The following TTC6 variants were observed in gnomAD, a reference collection of about 807,000 sequenced individuals.
TTC6 encodes the protein tetratricopeptide repeat domain 6.
In TTC6, 172 loss-of-function variants were observed where a neutral mutation model predicts 210.4. The observed-to-expected ratio is 0.82, with a 90% CI of 0.72 to 0.93. The LOEUF is 0.93. Among genes scored for constraint, TTC6 ranks in the 40% least tolerant of loss-of-function variants. The pLI, the probability that TTC6 is intolerant of heterozygous loss-of-function variation, is 0.00. For missense variants in TTC6, 2,414 were observed against 2,318.1 expected, an observed-to-expected ratio of 1.04 and a Z score of -0.85; for synonymous variants, 804 against 819.6, an observed-to-expected ratio of 0.98 and a Z score of 0.32.
chr14:37,783,857 C>T (rs1246556168), intron 14 of TTC6, among the ~76,000 whole-genome samples: 4 of 152,144 alleles, frequency 2.6e-5, no homozygotes, highest in African/African-American at 9.7e-5. Flanking sequence ...TTTCAAAGAA[C>T]ATCTTTATTT....
At chr14:37,792,824 G>T (rs1355008526) in intron 17 of TTC6, among the ~76,000 whole-genome samples, 1 of 149,606 alleles carries the variant, frequency 6.7e-6, no homozygotes, top group Non-Finnish European at 1.5e-5. Flanking sequence ...GTGTGTACAG[G>T]TGAGTAAGTA....
intron 1 of TTC6, among the ~76,000 whole-genome samples, chr14:37,651,426 T>TATATATATA (rs1491101068): frequency 2.0e-4 from 3 of 15,130 alleles, no homozygotes; most frequent in Non-Finnish European, 3.3e-4. Context: ...TATATATATA[T>TATATATATA]TTTTTTTTTT....
intron 14 of TTC6, among the ~76,000 whole-genome samples, chr14:37,786,332 C>T (rs973440135): frequency 6.6e-6 from 1 of 152,214 alleles, no homozygotes; most frequent in Non-Finnish European, 1.5e-5. Context: ...ATGGCAGCCG[C>T]CCCTCACCCA....
chr14:37,807,609 C>A, intron 23 of TTC6, 149 bp downstream of exon 25: 1 of 522,312 alleles, frequency 1.9e-6, no homozygotes, highest in Non-Finnish European at 3.0e-6. Context: ...TACACTTTCC[C>A]AATTCATATT....
At chr14:37,633,940 G>A (rs2095675055) in intron 1 of TTC6, among the ~76,000 whole-genome samples, 1 of 152,182 alleles carries the variant, frequency 6.6e-6, no homozygotes. Context: ...GGTAGTAACA[G>A]GGGAAGTGCC....
intron 1 of TTC6, among the ~76,000 whole-genome samples, chr14:37,659,601 C>T (rs1162434022): frequency 1.3e-5 from 2 of 152,026 alleles, no homozygotes; most frequent in Non-Finnish European, 2.9e-5. Context: ...AATCTTGGCT[C>T]ACTGCAACCT....
chr14:37,778,984 C>T (rs575123349), intron 14 of TTC6, among the ~76,000 whole-genome samples: 3 of 152,170 alleles, frequency 2.0e-5, no homozygotes, highest in East Asian at 1.9e-4. Context: ...CTTTCCTGCT[C>T]CAAACCCTCT....
intron 1 of TTC6, among the ~76,000 whole-genome samples, chr14:37,632,106 C>G (rs542384661): frequency 2.0e-5 from 3 of 152,096 alleles, no homozygotes; most frequent in Non-Finnish European, 4.4e-5. Context: ...CTTTCTGAAG[C>G]CTACTTCTGC....
intron 21 of TTC6, 89 bp downstream of exon 23, chr14:37,804,903 A>G: frequency 6.8e-7 from 1 of 1,471,552 alleles, no homozygotes. Context: ...CCACCTATAC[A>G]GTGGGCAACC....
intron 1 of TTC6, among the ~76,000 whole-genome samples, chr14:37,669,326 C>T (rs986339045): frequency 6.6e-6 from 1 of 152,146 alleles, no homozygotes; most frequent in Non-Finnish European, 1.5e-5. Context: ...TCCATCCTAA[C>T]CCTGTTTGAG....
chr14:37,796,648 A>G, intron 19 of TTC6, 139 bp from the exon 22 acceptor site: 2 of 809,798 alleles, frequency 2.5e-6, no homozygotes, highest in South Asian at 2.3e-5. Context: ...AGATCTTACT[A>G]TGATTTGTTA....
At chr14:37,744,345 G>A (rs2095929703) in intron 10 of TTC6, among the ~76,000 whole-genome samples, 1 of 152,168 alleles carries the variant, frequency 6.6e-6, no homozygotes, top group Non-Finnish European at 1.5e-5. Context: ...AGTGACAAAT[G>A]TAATGAAGAA....
intron 5 of TTC6, among the ~76,000 whole-genome samples, chr14:37,714,354 G>A (rs568907562): frequency 1.4e-5 from 2 of 148,108 alleles, no homozygotes; most frequent in South Asian, 4.4e-4. Flanking sequence ...AGATCAGAAG[G>A]TAAAGAAGTT....
At chr14:37,672,291 T>A (rs1361441939) in intron 1 of TTC6, among the ~76,000 whole-genome samples, 1 of 152,202 alleles carries the variant, frequency 6.6e-6, no homozygotes, top group African/African-American at 2.4e-5. Flanking sequence ...AACTGGTACA[T>A]CCTCTGATAT....
rs533826752 is a variant in TTC6, at chr14:37,714,461, A to T, written c.1572-194A>T. Among the ~76,000 whole-genome samples the T allele has an allele frequency of 2.0e-5, 3 of 152,258 alleles. No homozygotes were observed. In the East Asian group the frequency reaches 5.8e-4, roughly 29 times the overall value. On this transcript the variant is annotated intron_variant, in intron 5 of 30. Coordinates refer to ENST00000553443, the Ensembl canonical transcript of TTC6. ...AACCATCATAAATATTACTACTAAA[A>T]TGTATTAAGAACCAGATATTAGCAT...
chr14:37,651,412 TA>T (rs1566864339), intron 1 of TTC6, among the ~76,000 whole-genome samples: 2 of 26,176 alleles, frequency 7.6e-5, no homozygotes, highest in Non-Finnish European at 1.4e-4. Flanking sequence ...TATATATATA[TA>T]TATATATATA....
At chr14:37,639,903 G>A (rs2139379357) in intron 1 of TTC6, among the ~76,000 whole-genome samples, 1 of 144,182 alleles carries the variant, frequency 6.9e-6, no homozygotes, top group African/African-American at 2.6e-5. Context: ...AAAAAAAAAG[G>A]AAAGAAAAAT....
chr14:37,710,624 A>G (rs1173638316), intron 5 of TTC6, among the ~76,000 whole-genome samples: 1 of 152,084 alleles, frequency 6.6e-6, no homozygotes, highest in African/African-American at 2.4e-5. Flanking sequence ...AAGACATTTG[A>G]CTCTGAAAAA....
At chr14:37,805,239 GGTT>G (rs2096115662) in intron 21 of TTC6, among the ~76,000 whole-genome samples, 1 of 152,112 alleles carries the variant, frequency 6.6e-6, no homozygotes, top group South Asian at 2.1e-4. Flanking sequence ...GATTGAAACT[GGTT>G]GTTAAGATGG....
Sources: allele counts gnomAD v4.1 joint callset (sites outside exome capture counted in the v4.1 genomes callset), GRCh38; gene constraint gnomAD v4.1.1; transcripts MANE v1.5; gene names NCBI Gene and HGNC (gene_info 2026-07-23, HGNC 2026-07-21).